The following COL23A1 variants were observed in gnomAD, a reference collection of about 807,000 sequenced individuals.
COL23A1 encodes collagen type XXIII alpha 1 chain.
A neutral mutation model predicts 99.3 loss-of-function variants in COL23A1; 97 were observed. The observed-to-expected ratio is 0.98, with a 90% CI of 0.83 to 1.16. The LOEUF (loss-of-function observed/expected upper bound fraction) is 1.16. COL23A1 is among the 50% of genes most tolerant of loss of function. COL23A1 has a pLI of 0.00. For synonymous variants in COL23A1, 320 were observed against 308.2 expected, an observed-to-expected ratio of 1.04 and a Z score of -0.40; for missense variants, 762 against 757.4, an observed-to-expected ratio of 1.01 and a Z score of -0.07.
chr5:178,427,411 C>T (rs914114723), intron 2 of COL23A1, among the ~76,000 whole-genome samples: 3 of 152,180 alleles, frequency 2.0e-5, no homozygotes, highest in Non-Finnish European at 2.9e-5. Flanking sequence ...AGCTATCTTG[C>T]TCCTTGGTAT....
chr5:178,512,031 T>G (rs555504536), intron 2 of COL23A1, among the ~76,000 whole-genome samples: 15 of 152,350 alleles, frequency 9.8e-5, no homozygotes, highest in Admixed American at 9.1e-4. Flanking sequence ...TTCAGAAACC[T>G]GAGTGTCATT....
At chr5:178,326,619 C>T (rs1272614609) in intron 2 of COL23A1, among the ~76,000 whole-genome samples, 1 of 152,208 alleles carries the variant, frequency 6.6e-6, no homozygotes, top group Non-Finnish European at 1.5e-5. Context: ...CTATCTGCTT[C>T]TCCCTCCCTC....
intron 5 of COL23A1, among the ~76,000 whole-genome samples, chr5:178,278,307 G>GC (rs1756703674): frequency 1.3e-5 from 2 of 152,122 alleles, no homozygotes; most frequent in East Asian, 1.9e-4. Context: ...CCTGAGAGCT[G>GC]CCCCCTAGGC....
intron 2 of COL23A1, among the ~76,000 whole-genome samples, chr5:178,534,565 G>A (rs1214835134): frequency 6.6e-6 from 1 of 152,174 alleles, no homozygotes; most frequent in East Asian, 1.9e-4. Flanking sequence ...CAGATCACGA[G>A]GTCAGGAGTT....
intron 1 of COL23A1, among the ~76,000 whole-genome samples, chr5:178,574,916 G>C (rs985195412): frequency 6.6e-6 from 1 of 152,206 alleles, no homozygotes; most frequent in Non-Finnish European, 1.5e-5. Flanking sequence ...TGTGAGATCA[G>C]TACTTCCAGC....
chr5:178,349,760 C>A (rs1238865936), intron 2 of COL23A1, among the ~76,000 whole-genome samples: 1 of 152,230 alleles, frequency 6.6e-6, no homozygotes, highest in African/African-American at 2.4e-5. Flanking sequence ...CACCTGGGCC[C>A]CAGGCTCCTC....
rs1157814824 is a variant in COL23A1 at position 178,415,517 on chromosome 5, C to G, written c.362-108598G>C. On this transcript the variant is annotated intron_variant, in intron 2 of 28. Transcript: ENST00000390654. This position sits in a 1 kb window ranked among gnomAD's most constrained non-coding sequence, Gnocchi z 4.6. ...TGCCAGCCGGCCTCCACGAACACTT[C>G]TACTGTCTCCTGACCTCTCCACAGC... Among the ~76,000 whole-genome samples, 2 of 152,212 alleles carry G rather than the reference C, an allele frequency of 1.3e-5. No individual in the cohort carries two copies. Among genetic ancestry groups the G allele is most frequent in the African/African-American group, 4.8e-5 (2 of 41,460 alleles).
chr5:178,296,423 C>T (rs1306917809), intron 3 of COL23A1, among the ~76,000 whole-genome samples: 1 of 152,184 alleles, frequency 6.6e-6, no homozygotes, highest in Non-Finnish European at 1.5e-5. Context: ...GCTACCATGC[C>T]CAGGGTCATG....
At chr5:178,240,408 C>T (rs983186772) in intron 27 of COL23A1, among the ~76,000 whole-genome samples, 2 of 152,106 alleles carry the variant, frequency 1.3e-5, no homozygotes, top group East Asian at 1.9e-4. Context: ...CTGGCTGCCC[C>T]GAAGGCCCAC....
intron 2 of COL23A1, among the ~76,000 whole-genome samples, chr5:178,449,075 C>T (rs996445605): frequency 4.6e-5 from 7 of 152,112 alleles, no homozygotes; most frequent in Admixed American, 4.6e-4. Context: ...GAGTTCACTG[C>T]AGCCTCCAAC....
chr5:178,334,608 T>C (rs1418170934), intron 2 of COL23A1, among the ~76,000 whole-genome samples: 1 of 152,220 alleles, frequency 6.6e-6, no homozygotes, highest in Non-Finnish European at 1.5e-5. Context: ...CCAAGTTGTG[T>C]GTTCCCTTAC....
At chr5:178,417,951 G>A (rs1765403020) in intron 2 of COL23A1, among the ~76,000 whole-genome samples, 1 of 152,226 alleles carries the variant, frequency 6.6e-6, no homozygotes. Context: ...TTTCAGTCCT[G>A]GGCCTCTCTG....
chr5:178,273,554 C>G (rs997853113), intron 5 of COL23A1, among the ~76,000 whole-genome samples: 1 of 152,200 alleles, frequency 6.6e-6, no homozygotes, highest in Non-Finnish European at 1.5e-5. Flanking sequence ...GCAGTGCTCC[C>G]GGGAGCCCCC....
chr5:178,249,149 CCCCTTT>C lies in COL23A1; in HGVS notation c.1111_1116del (p.Lys371_Gly372del). On this transcript the variant is annotated inframe_deletion, in exon 19 of 29. Transcript: ENST00000390654. ...CCGGACAAGCCCATCTCGCCTGCTT[CCCCTTT>C]GAGTCCTGCTGGCCCAGGCTCTCCT... 6.2e-7 allele frequency: 1 copy of C among 1,614,180 alleles called. No homozygotes were observed. The highest frequency in any genetic ancestry group is 8.5e-7 in the Non-Finnish European group (1 of 1,179,982).
intron 8 of COL23A1, among the ~76,000 whole-genome samples, chr5:178,265,260 C>T (rs1156605931): frequency 6.6e-6 from 1 of 152,220 alleles, no homozygotes; most frequent in African/African-American, 2.4e-5. Flanking sequence ...CTGGCAGGGC[C>T]AGGGTCCTGA....
chr5:178,432,243 C>A (rs1485501084), intron 2 of COL23A1, among the ~76,000 whole-genome samples: 1 of 152,082 alleles, frequency 6.6e-6, no homozygotes, highest in Non-Finnish European at 1.5e-5. Context: ...CGAGGTCCAA[C>A]TAAGAAAAGA....
chr5:178,258,516 A>C (rs1344903823), intron 12 of COL23A1, among the ~76,000 whole-genome samples: 11 of 145,366 alleles, frequency 7.6e-5, no homozygotes, highest in Non-Finnish European at 1.6e-4. Context: ...CTGTCTCAGC[A>C]TCCCAAGTAG....
chr5:178,358,250 G>GTGTGTGTATGTATA (rs1561896811), intron 2 of COL23A1, among the ~76,000 whole-genome samples: 5 of 102,610 alleles, frequency 4.9e-5, no homozygotes, highest in African/African-American at 1.7e-4. Context: ...ATGTGTATGT[G>GTGTGTGTATGTATA]TGTGTATGTA....
At chr5:178,376,453 G>GC (rs1303662168) in intron 2 of COL23A1, among the ~76,000 whole-genome samples, 1 of 152,168 alleles carries the variant, frequency 6.6e-6, no homozygotes, top group Admixed American at 6.5e-5. Flanking sequence ...TGGGTGTGAG[G>GC]CCCCCCACTG....
Sources: gnomAD v4.1 joint callset for allele counts (sites outside exome capture counted in the v4.1 genomes callset) on GRCh38, gnomAD v4.1.1 for gene constraint, Gnocchi (gnomAD v3.1) non-coding constraint, MANE v1.5 for transcripts, NCBI Gene and HGNC (gene_info 2026-07-23, HGNC 2026-07-21) for gene names.